UBE2V2: variants seen among roughly 807,000 people sequenced by gnomAD.
UBE2V2 encodes the protein ubiquitin conjugating enzyme E2 V2.
UBE2V2 carries 9 observed loss-of-function variants against 17.2 expected under a neutral mutation model. The observed-to-expected ratio is 0.52, with a 90% CI of 0.32 to 0.91. The LOEUF is 0.91. Ranked by LOEUF, UBE2V2 falls within the 40% of genes least tolerant of loss-of-function variation. The pLI, the probability that UBE2V2 is intolerant of heterozygous loss-of-function variation, is 0.04. For missense variants in UBE2V2, 133 were observed against 182.6 expected, an observed-to-expected ratio of 0.73 and a Z score of 1.56; for synonymous variants, 61 against 57.5, an observed-to-expected ratio of 1.06 and a Z score of -0.28.
At chr8:48,056,686 C>G (rs888644733) in intron 3 of UBE2V2, among the ~76,000 whole-genome samples, 5 of 152,076 alleles carry the variant, frequency 3.3e-5, no homozygotes, top group Admixed American at 6.6e-5. Context: ...GCCACTGCAC[C>G]TGGCCTGCCT....
At chr8:48,059,675 CGTT>C (rs1488864337) in intron 3 of UBE2V2, among the ~76,000 whole-genome samples, 21 of 152,070 alleles carry the variant, frequency 1.4e-4, no homozygotes, top group African/African-American at 4.6e-4. Context: ...CCTCCCAAAA[CGTT>C]GGGATTACAG....
intron 1 of UBE2V2, among the ~76,000 whole-genome samples, chr8:48,010,019 A>G (rs1479610998): frequency 2.6e-5 from 4 of 152,208 alleles, no homozygotes; most frequent in African/African-American, 9.6e-5. Flanking sequence ...ATGCATTTTA[A>G]TTTAATACTT....
intron 1 of UBE2V2, among the ~76,000 whole-genome samples, chr8:48,019,620 G>A (rs2091291460): frequency 6.6e-6 from 1 of 151,544 alleles, no homozygotes; most frequent in Non-Finnish European, 1.5e-5. Context: ...TTTGAGAACA[G>A]CCTGACCAAC....
chr8:48,033,696 A>G (rs771065110), intron 1 of UBE2V2, among the ~76,000 whole-genome samples: 15 of 151,960 alleles, frequency 9.9e-5, no homozygotes, highest in Admixed American at 3.3e-4. Flanking sequence ...GCGGGCTCAT[A>G]TCTATAATCC....
intron 1 of UBE2V2, among the ~76,000 whole-genome samples, chr8:48,016,107 G>C (rs2091267532): frequency 6.6e-6 from 1 of 152,106 alleles, no homozygotes; most frequent in African/African-American, 2.4e-5. Context: ...ATATTGGCCA[G>C]GTTGGTCTCA....
At chr8:48,046,198 C>T (rs2091497736) in intron 2 of UBE2V2, among the ~76,000 whole-genome samples, 1 of 152,128 alleles carries the variant, frequency 6.6e-6, no homozygotes, top group Admixed American at 6.5e-5. Flanking sequence ...CGGCTCACTG[C>T]AAGCTCTGCC....
intron 1 of UBE2V2, among the ~76,000 whole-genome samples, chr8:48,026,087 T>G (rs1407057950): frequency 6.6e-6 from 1 of 152,122 alleles, no homozygotes; most frequent in Non-Finnish European, 1.5e-5. Flanking sequence ...TTTAGTACTG[T>G]TCCTTTCTTT....
chr8:48,056,936 G>C (rs2091577105), intron 3 of UBE2V2, among the ~76,000 whole-genome samples: 1 of 152,090 alleles, frequency 6.6e-6, no homozygotes, highest in African/African-American at 2.4e-5. Flanking sequence ...TGTTGGCCAG[G>C]CTGGTCTTGA....
chr8:48,035,561 G>C (rs1200712287), intron 1 of UBE2V2, among the ~76,000 whole-genome samples: 1 of 151,628 alleles, frequency 6.6e-6, no homozygotes, highest in African/African-American at 2.4e-5. Flanking sequence ...TTTGTCCTGA[G>C]GGGAAATTTC....
intron 1 of UBE2V2, among the ~76,000 whole-genome samples, chr8:48,028,633 C>G (rs984701213): frequency 1.3e-5 from 2 of 151,986 alleles, no homozygotes; most frequent in African/African-American, 4.8e-5. Flanking sequence ...CCACTGTGTC[C>G]AGACCAACAC....
At chr8:48,008,364 G>C, upstream of UBE2V2, 1 of 1,497,718 alleles carries the variant, frequency 6.7e-7, no homozygotes, top group Non-Finnish European at 8.9e-7. Flanking sequence ...GGCGGAGTCC[G>C]CTGTGACGCG....
chr8:48,020,237 A>G (rs1209410192), intron 1 of UBE2V2, among the ~76,000 whole-genome samples: 2 of 152,046 alleles, frequency 1.3e-5, no homozygotes, highest in Non-Finnish European at 2.9e-5. Context: ...GGGTCTCAAC[A>G]TGTTGCTCAG....
chr8:48,024,781 T>C (rs1485628227), intron 1 of UBE2V2, among the ~76,000 whole-genome samples: 1 of 152,108 alleles, frequency 6.6e-6, no homozygotes, highest in East Asian at 1.9e-4. Flanking sequence ...TCCATGTTCT[T>C]TTAAGGTGTG....
At chr8:48,019,162 C>G (rs921205168) in intron 1 of UBE2V2, among the ~76,000 whole-genome samples, 1 of 151,970 alleles carries the variant, frequency 6.6e-6, no homozygotes, top group South Asian at 2.1e-4. Flanking sequence ...GTTGGGAGTT[C>G]AAGACCAGCC....
At chr8:48,056,141 G>A (rs1315975587) in intron 3 of UBE2V2, among the ~76,000 whole-genome samples, 5 of 152,098 alleles carry the variant, frequency 3.3e-5, no homozygotes, top group East Asian at 1.9e-4. Context: ...GCGACTTAAC[G>A]TAATGTTTTC....
chr8:48,003,535 T>G (rs528666091), upstream of UBE2V2, among the ~76,000 whole-genome samples: 9 of 152,258 alleles, frequency 5.9e-5, no homozygotes, highest in African/African-American at 2.2e-4. Flanking sequence ...TGTGCATGTG[T>G]GTGAGTGTGC....
upstream of UBE2V2, among the ~76,000 whole-genome samples, chr8:48,005,180 CCT>C (rs2091176015): frequency 2.0e-5 from 3 of 152,012 alleles, no homozygotes; most frequent in South Asian, 4.1e-4. Context: ...GCCCCCAACC[CCT>C]GACAGGCCCC....
intron 1 of UBE2V2, among the ~76,000 whole-genome samples, chr8:48,010,123 A>T (rs2091217263): frequency 6.6e-6 from 1 of 152,202 alleles, no homozygotes; most frequent in Non-Finnish European, 1.5e-5. Flanking sequence ...ACCAAAGGTT[A>T]GATGATATTA....
At chr8:48,056,304 C>G (rs888595258) in intron 3 of UBE2V2, among the ~76,000 whole-genome samples, 3 of 152,034 alleles carry the variant, frequency 2.0e-5, no homozygotes, top group African/African-American at 7.2e-5. Context: ...AATACTGTTG[C>G]TATGAATATT....
Sources: allele counts gnomAD v4.1 joint callset (sites outside exome capture counted in the v4.1 genomes callset), GRCh38; gene constraint gnomAD v4.1.1; transcripts MANE v1.5; gene names NCBI Gene and HGNC (gene_info 2026-07-23, HGNC 2026-07-21).